Variants in HYCC2 observed in about 807,000 individuals in gnomAD.
HYCC2 encodes hyccin PI4KA lipid kinase complex subunit 2.
chr2:201,050,067 C>T, the HYCC2 span, among the ~76,000 whole-genome samples: 13 of 151,808 alleles, frequency 8.6e-5, no homozygotes, highest in African/African-American at 3.1e-4. Context: ...AAAAAATAAG[C>T]TGGGTGTGGT....
chr2:201,021,936 TCTAA>T, the HYCC2 span: 122 of 462,702 alleles, frequency 2.6e-4, no homozygotes, highest in Non-Finnish European at 3.6e-4. Flanking sequence ...CAGATGCAAG[TCTAA>T]CTGAGAGCCA....
chr2:200,980,418 C>A, the HYCC2 span: 1 of 152,636 alleles, frequency 6.6e-6, no homozygotes, highest in Non-Finnish European at 1.5e-5. Context: ...ACCCCAGCAC[C>A]AAAGTGTCAA....
At chr2:201,023,298 G>A in the HYCC2 span, among the ~76,000 whole-genome samples, 4 of 151,730 alleles carry the variant, frequency 2.6e-5, no homozygotes, top group South Asian at 2.1e-4. Context: ...GCAGTGAGCC[G>A]AGATCGTGCC....
At chr2:201,045,591 A>G in the HYCC2 span, 1 of 397,868 alleles carries the variant, frequency 2.5e-6, no homozygotes, top group Non-Finnish European at 4.4e-6. Flanking sequence ...ATATTTTCCA[A>G]TTCTATAAAA....
the HYCC2 span, chr2:200,995,986 T>C: frequency 6.6e-6 from 1 of 152,060 alleles, no homozygotes; most frequent in African/African-American, 2.4e-5. Context: ...TAAACATCCA[T>C]TGTCTCTGAA....
the HYCC2 span, chr2:200,981,136 G>T: frequency 9.6e-7 from 1 of 1,038,608 alleles, no homozygotes; most frequent in Non-Finnish European, 1.4e-6. The surrounding 1 kb of genome is among the most constrained non-coding windows in gnomAD (Gnocchi z 4.5). Flanking sequence ...ACAAAATACA[G>T]TATGAAGATA....
At chr2:200,995,045 C>T in the HYCC2 span, among the ~76,000 whole-genome samples, 3 of 151,016 alleles carry the variant, frequency 2.0e-5, no homozygotes, top group South Asian at 4.2e-4. Context: ...CTATTGAAGG[C>T]CACAATAATG....
the HYCC2 span, among the ~76,000 whole-genome samples, chr2:201,002,285 A>G: frequency 3.3e-5 from 5 of 151,606 alleles, no homozygotes; most frequent in Non-Finnish European, 5.9e-5. Context: ...ATCAGCCAAA[A>G]AAAAAAAAAA....
At chr2:201,054,652 T>C in the HYCC2 span, among the ~76,000 whole-genome samples, 1,725 of 152,158 alleles carry the variant, frequency 0.011, 17 homozygotes, top group Non-Finnish European at 0.017. Context: ...TTTAGTGACA[T>C]AGGGGTGGAG....
chr2:200,984,108 C>T, the HYCC2 span, among the ~76,000 whole-genome samples: 1 of 152,108 alleles, frequency 6.6e-6, no homozygotes, highest in Non-Finnish European at 1.5e-5. Flanking sequence ...GGCACGATCA[C>T]AGCCCACTGT....
At chr2:200,981,159 GA>G in the HYCC2 span, 1 of 1,300,794 alleles carries the variant, frequency 7.7e-7, no homozygotes, top group Non-Finnish European at 1.1e-6. This position sits in a 1 kb window ranked among gnomAD's most constrained non-coding sequence, Gnocchi z 4.5. Context: ...TAAACTAAAT[GA>G]AATCTGATAA....
the HYCC2 span, among the ~76,000 whole-genome samples, chr2:201,049,583 G>A: frequency 6.6e-6 from 1 of 151,256 alleles, no homozygotes; most frequent in Non-Finnish European, 1.5e-5. Context: ...TCGATCCTCT[G>A]ACCTCGTGAT....
the HYCC2 span, among the ~76,000 whole-genome samples, chr2:201,048,870 T>C: frequency 6.6e-6 from 1 of 152,110 alleles, no homozygotes; most frequent in Non-Finnish European, 1.5e-5. Context: ...GGCTCAAGCC[T>C]ATGATTACAG....
At chr2:200,975,987 A>G in the HYCC2 span, 1 of 152,140 alleles carries the variant, frequency 6.6e-6, no homozygotes, top group Non-Finnish European at 1.5e-5. Flanking sequence ...GGAAAACTGT[A>G]CCAATCTGAT....
chr2:201,062,805 G>A, the HYCC2 span, among the ~76,000 whole-genome samples: 3 of 149,950 alleles, frequency 2.0e-5, no homozygotes, highest in African/African-American at 7.3e-5. Flanking sequence ...GCAACAGAGT[G>A]AGACCCTGTC....
At chr2:201,027,523 T>G in the HYCC2 span, among the ~76,000 whole-genome samples, 1 of 152,028 alleles carries the variant, frequency 6.6e-6, no homozygotes, top group African/African-American at 2.4e-5. Flanking sequence ...AAAGAGAATT[T>G]TAGACCAACA....
the HYCC2 span, among the ~76,000 whole-genome samples, chr2:201,016,060 T>C: frequency 2.0e-5 from 3 of 152,186 alleles, no homozygotes; most frequent in African/African-American, 7.2e-5. Flanking sequence ...GTGCCACACA[T>C]GTAATTCTCC....
At chr2:200,992,261 G>C in the HYCC2 span, 1 of 1,401,898 alleles carries the variant, frequency 7.1e-7, no homozygotes, top group Non-Finnish European at 1.0e-6. Flanking sequence ...ATTTAATAAA[G>C]AGTTAAGATA....
chr2:200,987,666 G>A, the HYCC2 span: 28 of 581,820 alleles, frequency 4.8e-5, no homozygotes, highest in Non-Finnish European at 6.2e-5. Flanking sequence ...AGTTACATGT[G>A]TGTGCATGCT....
Sources: gnomAD v4.1 joint callset for allele counts (sites outside exome capture counted in the v4.1 genomes callset) on GRCh38, gnomAD v4.1.1 for gene constraint, Gnocchi (gnomAD v3.1) non-coding constraint, MANE v1.5 for transcripts, NCBI Gene and HGNC (gene_info 2026-07-23, HGNC 2026-07-21) for gene names.